The following DCDC1 variants were observed in gnomAD, a reference collection of about 807,000 sequenced individuals.
DCDC1 encodes doublecortin domain containing 1.
A neutral mutation model predicts 178.3 loss-of-function variants in DCDC1; 200 were observed. The observed-to-expected ratio is 1.12, with a 90% CI of 1.00 to 1.26. The LOEUF (loss-of-function observed/expected upper bound fraction) is 1.26, where lower values mean the gene tolerates loss of function less well. DCDC1 is among the 50% of genes most tolerant of loss of function. The pLI is 0.00. For missense variants in DCDC1, 1,983 were observed against 1,749.2 expected (o/e 1.13, Z -2.38); for synonymous variants, 690 against 604.8 (o/e 1.14, Z -2.07).
At chr11:30,878,396 GT>G in intron 38 of DCDC1, 147 bp downstream of exon 38, 1 of 683,066 alleles carries the variant, frequency 1.5e-6, no homozygotes. Flanking sequence ...CAAGGCTGCA[GT>G]AAGCTGTGAT....
intron 13 of DCDC1, among the ~76,000 whole-genome samples, chr11:31,104,971 C>A (rs1385515839): frequency 1.3e-5 from 2 of 151,824 alleles, no homozygotes; most frequent in Non-Finnish European, 2.9e-5. Flanking sequence ...CGGCAAAAAT[C>A]ATCTTTTACA....
chr11:30,920,761 A>G lies in DCDC1; in HGVS notation c.3293+15T>C. ...AAGCAGCCAGGTAGCTTTTCAGGCT[A>G]CACTGATTACTTACAGAATTTCACT... On this transcript the variant is annotated intron_variant, in intron 25 of 38. Transcript: ENST00000684477. 1 of 1,612,516 alleles carries G rather than the reference A, an allele frequency of 6.2e-7. No individual in the cohort carries two copies. The highest frequency in any genetic ancestry group is 8.5e-7 in the Non-Finnish European group (1 of 1,179,202).
At chr11:31,001,115 A>G (rs968109719) in intron 20 of DCDC1, among the ~76,000 whole-genome samples, 4 of 152,192 alleles carry the variant, frequency 2.6e-5, no homozygotes, top group Non-Finnish European at 5.9e-5. Flanking sequence ...GAATTCCACC[A>G]TAAGAAAGAG....
At chr11:31,207,942 C>T (rs1385801713) in intron 9 of DCDC1, among the ~76,000 whole-genome samples, 1 of 152,130 alleles carries the variant, frequency 6.6e-6, no homozygotes, top group Admixed American at 6.6e-5. Context: ...TCATCACTCC[C>T]TCCTTAAATA....
intron 9 of DCDC1, among the ~76,000 whole-genome samples, chr11:31,171,930 A>G (rs1318980196): frequency 6.6e-6 from 1 of 152,204 alleles, no homozygotes; most frequent in East Asian, 1.9e-4. Flanking sequence ...CTAGATAGAT[A>G]TGGTTGAAAG....
chr11:31,035,953 T>C (rs1953999378), intron 20 of DCDC1, among the ~76,000 whole-genome samples: 1 of 152,244 alleles, frequency 6.6e-6, no homozygotes, highest in Non-Finnish European at 1.5e-5. Flanking sequence ...TTGTGGCTTA[T>C]ATTTATTGTT....
intron 17 of DCDC1, among the ~76,000 whole-genome samples, chr11:31,085,713 T>C (rs1957432864): frequency 6.6e-6 from 1 of 151,938 alleles, no homozygotes; most frequent in Non-Finnish European, 1.5e-5. Context: ...ATTGATTGAT[T>C]GATTGATTGA....
At chr11:31,242,505 G>A (rs892858005) in intron 8 of DCDC1, among the ~76,000 whole-genome samples, 7 of 151,746 alleles carry the variant, frequency 4.6e-5, no homozygotes, top group Non-Finnish European at 7.4e-5. Context: ...TTCTTTACTT[G>A]GTCATTATTT....
intron 1 of DCDC1, among the ~76,000 whole-genome samples, chr11:31,341,258 C>A (rs988893417): frequency 5.3e-5 from 8 of 152,142 alleles, no homozygotes; most frequent in African/African-American, 1.9e-4. Flanking sequence ...ACAGTGCCCA[C>A]TGCAGTGAAG....
At chr11:31,025,405 T>C (rs1953156515) in intron 20 of DCDC1, among the ~76,000 whole-genome samples, 1 of 151,736 alleles carries the variant, frequency 6.6e-6, no homozygotes, top group South Asian at 2.1e-4. Context: ...GTCTACACAT[T>C]TGAATTTCTT....
chr11:31,247,787 G>A (rs1337805748), intron 8 of DCDC1, among the ~76,000 whole-genome samples: 1 of 151,798 alleles, frequency 6.6e-6, no homozygotes, highest in Non-Finnish European at 1.5e-5. Flanking sequence ...AAATAAGCTG[G>A]GATTCTATTG....
rs552584465 is a variant in DCDC1 at position 30,972,513 on chromosome 11, A to C, written c.2592-19945T>G. 9.6e-4 allele frequency among the ~76,000 whole-genome samples: 146 copies of C among 152,284 alleles called. 1 individual carries two copies. Among genetic ancestry groups the C allele is most frequent in the Middle Eastern group, 3.4e-3 (1 of 294 alleles). ...GAGGATGATATCTACCATCATGAAA[A>C]CATACAAAAGTATAAAACCCACTGG... On this transcript the variant is annotated intron_variant, in intron 20 of 38. Coordinates refer to ENST00000684477, the MANE Select transcript of DCDC1 (RefSeq NM_001387274.1).
intron 6 of DCDC1, among the ~76,000 whole-genome samples, chr11:31,305,058 T>C (rs975850563): frequency 6.6e-6 from 1 of 152,128 alleles, no homozygotes; most frequent in Non-Finnish European, 1.5e-5. Flanking sequence ...ATTGAAAATA[T>C]GTGTAGGATT....
chr11:31,079,028 T>A (rs1284884702), intron 17 of DCDC1, among the ~76,000 whole-genome samples: 1 of 152,156 alleles, frequency 6.6e-6, no homozygotes, highest in African/African-American at 2.4e-5. Flanking sequence ...ACAGAGCTTC[T>A]AACTCCCTTG....
At chr11:31,146,252 GT>G (rs1964439944) in intron 9 of DCDC1, among the ~76,000 whole-genome samples, 1 of 151,354 alleles carries the variant, frequency 6.6e-6, no homozygotes, top group Non-Finnish European at 1.5e-5. Context: ...TTTTTTGTTT[GT>G]TTTTGTTTTT....
chr11:30,940,219 T>C (rs1048507550), intron 21 of DCDC1, among the ~76,000 whole-genome samples: 2 of 152,106 alleles, frequency 1.3e-5, no homozygotes, highest in African/African-American at 4.8e-5. Flanking sequence ...GTTACATTTG[T>C]CTTATCTGAG....
intron 21 of DCDC1, among the ~76,000 whole-genome samples, chr11:30,947,665 C>A (rs920807775): frequency 2.0e-5 from 3 of 152,042 alleles, no homozygotes; most frequent in Admixed American, 6.6e-5. Context: ...GGAAGAATTT[C>A]TTGAGTAACA....
At chr11:31,283,368 T>G (rs1198478751) in intron 7 of DCDC1, among the ~76,000 whole-genome samples, 1 of 151,572 alleles carries the variant, frequency 6.6e-6, no homozygotes, top group Non-Finnish European at 1.5e-5. Context: ...AACCCAGGTT[T>G]TTTTTTTTGT....
At chr11:30,931,633 T>G in intron 22 of DCDC1, 138 bp downstream of exon 22, 1 of 871,152 alleles carries the variant, frequency 1.1e-6, no homozygotes, top group Non-Finnish European at 1.7e-6. Context: ...AGTCTCTATT[T>G]TCATCTTCAA....
Sources: allele counts gnomAD v4.1 joint callset (sites outside exome capture counted in the v4.1 genomes callset), GRCh38; gene constraint gnomAD v4.1.1; transcripts MANE v1.5; gene names NCBI Gene and HGNC (gene_info 2026-07-23, HGNC 2026-07-21).